NOTCH2: variants seen among roughly 807,000 people sequenced by gnomAD.
The protein encoded by NOTCH2 is notch receptor 2.
Under a neutral mutation model 235.8 loss-of-function variants are expected in NOTCH2, and 29 were observed. That is an observed-to-expected ratio of 0.12 (90% CI 0.09 to 0.17). The LOEUF (loss-of-function observed/expected upper bound fraction) is 0.17. Ranked by LOEUF, NOTCH2 falls within the 10% of genes least tolerant of loss-of-function variation. The pLI is 1.00. For missense variants in NOTCH2, 2,285 were observed against 3,150.2 expected, an observed-to-expected ratio of 0.73 and a Z score of 6.57; for synonymous variants, 1,086 against 1,141.5, an observed-to-expected ratio of 0.95 and a Z score of 0.98.
Position 119,949,058 on chromosome 1 carries a change from CTT to C in NOTCH2, c.2546_2547del (p.Lys849ArgfsTer6), listed in dbSNP as rs1650363727. 1.2e-6 allele frequency: 2 copies of C among 1,614,072 alleles called. No homozygotes were observed. The highest frequency in any genetic ancestry group is 1.7e-5 in the Admixed American group (1 of 60,006). On this transcript the variant is annotated frameshift_variant, in exon 16 of 34. Coordinates refer to ENST00000256646, the MANE Select transcript of NOTCH2 (RefSeq NM_024408.4). LOFTEE classifies it high-confidence loss of function. ...GTATAACTCTCAAAATTTGGTGACT[CTT>C]TGCAAACAGCAGCATTCTCACAAGG... is the stretch of plus-strand genomic sequence containing the variant. Reference protein sequence around the residue: ...PNPCENAAVCKESPNFESYTC... With the variant: ...PNPCENAAVCXESPNFESYTC...
chr1:120,014,622 C>G (rs1462696244), intron 2 of NOTCH2, among the ~76,000 whole-genome samples: 5 of 128,254 alleles, frequency 3.9e-5, no homozygotes, highest in African/African-American at 1.3e-4. Context: ...CCCCAACCCT[C>G]ACATCTCACT....
In NOTCH2 at chr1:119,938,948, G is replaced by C. The variant is rs201858262; in HGVS notation, c.3184-938C>G. Among the ~76,000 whole-genome samples the C allele has an allele frequency of 3.5e-4, 53 of 152,220 alleles. No homozygotes were observed. In the East Asian group the frequency reaches 8.9e-3, roughly 26 times the overall value. On this transcript the variant is annotated intron_variant, in intron 19 of 33. Coordinates refer to ENST00000256646, the MANE Select transcript of NOTCH2 (RefSeq NM_024408.4). The stretch of plus-strand genomic sequence containing the variant: ...ACCTGCCTCGGCCTCCCAAAGTGCT[G>C]GGATTACAGGTGTGAGCCACCGTGC...
At chr1:119,926,450 T>A (rs1649474161) in intron 24 of NOTCH2, 49 bp downstream of exon 24, 1 of 1,311,574 alleles carries the variant, frequency 7.6e-7, no homozygotes. Context: ...GTTCACAGAT[T>A]GTATGGAAGA....
intron 14 of NOTCH2, among the ~76,000 whole-genome samples, chr1:119,952,186 C>G (rs1200470271): frequency 1.3e-5 from 2 of 152,126 alleles, no homozygotes; most frequent in Non-Finnish European, 2.9e-5. Flanking sequence ...AGTGATAACT[C>G]AGAAGCAGAT....
At chr1:119,944,914 AAC>A (rs1251573564) in intron 17 of NOTCH2, among the ~76,000 whole-genome samples, 4 of 152,222 alleles carry the variant, frequency 2.6e-5, no homozygotes, top group Non-Finnish European at 5.9e-5. Context: ...ACCTGATGGA[AAC>A]ACAAATCTAC....
intron 28 of NOTCH2, 133 bp from the exon 29 acceptor site, chr1:119,921,942 G>T: frequency 1.2e-6 from 1 of 813,432 alleles, no homozygotes; most frequent in Non-Finnish European, 2.0e-6. Context: ...GAGAAGATGG[G>T]CAGTATTTTT....
intron 5 of NOTCH2, 59 bp downstream of exon 5, chr1:119,986,901 G>T: frequency 6.2e-7 from 1 of 1,610,680 alleles, no homozygotes; most frequent in Non-Finnish European, 8.5e-7. Context: ...TAAAAAAACA[G>T]TCTGCCTCTG....
chr1:119,924,878 G>T (rs1046806411), intron 25 of NOTCH2, among the ~76,000 whole-genome samples: 1 of 152,208 alleles, frequency 6.6e-6, no homozygotes, highest in Non-Finnish European at 1.5e-5. Context: ...TTAAGACCGG[G>T]AGGGTTCACA....
chr1:119,932,596 C>T (rs587706226), intron 22 of NOTCH2, among the ~76,000 whole-genome samples: 9 of 142,970 alleles, frequency 6.3e-5, no homozygotes, highest in Non-Finnish European at 3.0e-5. Context: ...TCAAAACAAA[C>T]AAACAAACAA....
At chr1:119,951,129 A>AGCTTGTTGC (rs1330637533) in intron 14 of NOTCH2, among the ~76,000 whole-genome samples, 2 of 152,276 alleles carry the variant, frequency 1.3e-5, no homozygotes, top group East Asian at 3.9e-4. Flanking sequence ...TTGGTTCAAA[A>AGCTTGTTGC]GCTTGTTGCA....
Position 119,916,019 on chromosome 1 carries a change from T to G in NOTCH2, c.6703A>C (p.Ser2235Arg), listed in dbSNP as rs886044626. Residue 2235 changes from serine (S) to arginine (R), a missense_variant, in exon 34 of 34, where the codon AGT (serine) becomes CGT (arginine). Ser to Arg is a moderately radical substitution (Grantham distance 110). Around this residue, in one of 6 missense-constraint regions of NOTCH2, gnomAD observed 504 missense variants for 538.0 expected, o/e 0.94. Transcript: ENST00000256646. ...CTACTCAAGCTTCCAGCACTGCCAC[T>G]GCCTGGAGACACAATGTGGTGGTGG... is the stretch of plus-strand genomic sequence containing the variant. ...LSHHHIVSPG[S>R]GSAGSLSRLH... 2.3e-5 allele frequency: 37 copies of G among 1,613,704 alleles called. No individual in the cohort carries two copies. The highest frequency in any genetic ancestry group is 2.4e-5 in the Non-Finnish European group (28 of 1,180,036).
rs782550700 is a variant in NOTCH2, at chr1:119,937,442, T to C, written c.3362A>G (p.Gln1121Arg). ...AGCATTGATGCAGACACCTGAGTGC[T>C]GGCACAAGTGTTCAACAAGCACACC... is the stretch of plus-strand genomic sequence containing the variant. ...RRGVLVEHLCQHSGVCINAGN... is the reference protein window; with the variant it reads ...RRGVLVEHLCRHSGVCINAGN... Residue 1121 changes from glutamine to arginine, a missense_variant, in exon 21 of 34, where the codon CAG (glutamine) becomes CGG (arginine). Transcript: ENST00000256646. The C allele has an allele frequency of 6.2e-7, 1 of 1,613,796 alleles. No homozygotes were observed. Among genetic ancestry groups the C allele is most frequent in the South Asian group, 1.1e-5 (1 of 91,054 alleles).
intron 5 of NOTCH2, among the ~76,000 whole-genome samples, chr1:119,977,724 CA>C (rs1651644767): frequency 6.6e-6 from 1 of 152,102 alleles, no homozygotes. Context: ...AGATTTAGTA[CA>C]AACTCGGTAC....
chr1:119,951,700 C>T (rs1650480971), intron 14 of NOTCH2, among the ~76,000 whole-genome samples: 1 of 152,208 alleles, frequency 6.6e-6, no homozygotes, highest in Non-Finnish European at 1.5e-5. Flanking sequence ...TAGCACAGTA[C>T]CCAAATACTG....
chr1:119,922,801 C>G (rs373911666), intron 26 of NOTCH2, 23 bp from the exon 27 acceptor site: 5 of 1,613,732 alleles, frequency 3.1e-6, no homozygotes, highest in Middle Eastern at 3.4e-4. Flanking sequence ...AAGGGAGAAG[C>G]GGAGGAGGAG....
chr1:119,921,324 A>G (rs948042865), intron 29 of NOTCH2, among the ~76,000 whole-genome samples: 6 of 152,352 alleles, frequency 3.9e-5, no homozygotes, highest in East Asian at 1.9e-4. Flanking sequence ...GCCAATGTCA[A>G]TGATAACTGG....
At chr1:119,967,721 C>G (rs1651198227) in intron 7 of NOTCH2, 100 bp from the exon 8 acceptor site, 1 of 1,021,284 alleles carries the variant, frequency 9.8e-7, no homozygotes, top group East Asian at 2.4e-5. Context: ...CAGGGCCAGG[C>G]CTTCAATAAT....
At chr1:119,963,530 A>G (rs369447238) in intron 11 of NOTCH2, 44 bp downstream of exon 11, 40 of 1,504,466 alleles carry the variant, frequency 2.7e-5, no homozygotes, top group Non-Finnish European at 3.7e-5. Context: ...CAGATTTGAG[A>G]AACAGTGAAA....
chr1:120,064,362 G>A (rs1183832435), intron 1 of NOTCH2, among the ~76,000 whole-genome samples: 1 of 151,146 alleles, frequency 6.6e-6, no homozygotes, highest in Admixed American at 6.6e-5. Context: ...GAAAATTTCA[G>A]CCACTCCTTA....
Sources: gnomAD v4.1 joint callset for allele counts (sites outside exome capture counted in the v4.1 genomes callset) on GRCh38, gnomAD v4.1.1 for gene constraint, gnomAD v4.1.1 regional missense constraint, MANE v1.5 for transcripts, NCBI Gene and HGNC (gene_info 2026-07-23, HGNC 2026-07-21) for gene names.